ZNF28: variants seen among roughly 807,000 people sequenced by gnomAD.
ZNF28 encodes zinc finger protein KOX24.
A neutral mutation model predicts 7.2 loss-of-function variants in ZNF28; 5 were observed. The observed-to-expected ratio is 0.70, with a 90% CI of 0.36 to 1.46. The LOEUF is 1.46. Among genes scored for constraint, ZNF28 ranks in the 40% most tolerant of loss-of-function variants. The pLI is 0.03. For missense variants in ZNF28, 879 were observed against 866.6 expected, an observed-to-expected ratio of 1.01 and a Z score of -0.18; for synonymous variants, 288 against 292.4, an observed-to-expected ratio of 0.99 and a Z score of 0.15.
rs1369045786 is a variant in ZNF28 at position 52,802,781 on chromosome 19, G to T, written c.143-1079C>A. 1.3e-4 allele frequency among the ~76,000 whole-genome samples: 16 copies of T among 120,860 alleles called. 1 individual carries two copies. Among genetic ancestry groups the T allele is most frequent in the Admixed American group, 3.5e-4 (4 of 11,410 alleles). 79.3% of individuals were successfully genotyped at this position (120,860 alleles called of 152,430 possible). A position where few individuals can be genotyped will look rare whatever the true frequency, so the allele number is the denominator to read the frequency against. The stretch of plus-strand genomic sequence containing the variant: ...TGTGACTTTTTTTTTTTTTTTTTGC[G>T]ACGAAATCTTGCTCTGTCGCCCAGG... On this transcript the variant is annotated intron_variant, in intron 3 of 3. Coordinates refer to ENST00000457749, the MANE Select transcript of ZNF28 (RefSeq NM_006969.5).
chr19:52,807,886 A>G (rs554427055), intron 3 of ZNF28, 121 bp downstream of exon 3: 1 of 1,478,822 alleles, frequency 6.8e-7, no homozygotes, highest in Non-Finnish European at 9.2e-7. Flanking sequence ...TACATCATGA[A>G]GCTTTTCATT....
rs1228117349 is a variant in ZNF28 at position 52,798,413 on chromosome 19, C to T, written c.*1275G>A. On this transcript the variant is annotated 3_prime_UTR_variant, in exon 4 of 4. Coordinates refer to ENST00000457749, the MANE Select transcript of ZNF28 (RefSeq NM_006969.5). The stretch of plus-strand genomic sequence containing the variant: ...TGTAATGTCAATTAATGCTTGATGG[C>T]TTGCTATACTAATGGCATTTGAAAC... The T allele has an allele frequency of 1.2e-5, 5 of 401,044 alleles. No homozygotes were observed. Among genetic ancestry groups the T allele is most frequent in the African/African-American group, 4.2e-5 (2 of 47,410 alleles). 24.8% of individuals were successfully genotyped at this position (401,044 alleles called of 1,614,324 possible).
intron 2 of ZNF28, among the ~76,000 whole-genome samples, chr19:52,811,617 G>A (rs979936938): frequency 2.7e-4 from 39 of 145,912 alleles, no homozygotes; most frequent in Non-Finnish European, 1.5e-4. Context: ...GTCTCTGCCC[G>A]GCCGCCCCGT....
In ZNF28 at chr19:52,800,547, T is replaced by C; in HGVS notation, c.1298A>G (p.His433Arg). 1 of 1,613,520 alleles carries C rather than the reference T, an allele frequency of 6.2e-7. No individual in the cohort carries two copies. Among genetic ancestry groups the C allele is most frequent in the African/African-American group, 1.3e-5 (1 of 74,884 alleles). The change falls in exon 4 of 4, where the codon CAC (histidine) becomes CGC (arginine). Residue 433 changes from histidine to arginine, a missense_variant. His to Arg is a conservative substitution (Grantham distance 29). Around this residue, in one of 2 missense-constraint regions of ZNF28, gnomAD observed 864 missense variants for 830.2 expected, o/e 1.04. Coordinates refer to ENST00000457749, the MANE Select transcript of ZNF28 (RefSeq NM_006969.5). ...ACACTTGTAAGGCTTCTCTCCAGTGTGAATTATACTATGTTTTGCCAGGTA... is the reference window on the plus strand; with the variant it reads ...ACACTTGTAAGGCTTCTCTCCAGTGCGAATTATACTATGTTTTGCCAGGTA... Reference protein sequence around the residue: ...NSYLAKHSIIHTGEKPYKCNE... With the variant: ...NSYLAKHSIIRTGEKPYKCNE...
chr19:52,821,280 T>C (rs2063194767), intron 1 of ZNF28, among the ~76,000 whole-genome samples: 1 of 151,942 alleles, frequency 6.6e-6, no homozygotes, highest in African/African-American at 2.4e-5. Flanking sequence ...GGAATACACC[T>C]CTAGGGTGAG....
At chr19:52,817,804 A>G in intron 2 of ZNF28, 140 bp downstream of exon 2, 1 of 1,542,424 alleles carries the variant, frequency 6.5e-7, no homozygotes. Flanking sequence ...GCGAGATGAG[A>G]TGAACTGAAG....
At chr19:52,808,175 T>C (rs774403691) in intron 2 of ZNF28, 42 bp from the exon 3 acceptor site, 4 of 1,605,794 alleles carry the variant, frequency 2.5e-6, no homozygotes, top group South Asian at 2.2e-5. Flanking sequence ...TATGGTGGAG[T>C]TCTTATCTTT....
intron 2 of ZNF28, among the ~76,000 whole-genome samples, chr19:52,810,952 C>T (rs1364607242): frequency 7.6e-6 from 1 of 131,106 alleles, no homozygotes; most frequent in African/African-American, 2.8e-5. Flanking sequence ...CAAAGCTGGA[C>T]GGTACTGCTG....
chr19:52,799,482 GT>G lies in ZNF28; in HGVS notation c.*205del. ...AATTCTATGATGACGTGCAAGGGTT[GT>G]TTTTTGATTAAAAACCTTGCCACAT... On this transcript the variant is annotated 3_prime_UTR_variant, in exon 4 of 4. Transcript: ENST00000457749. The G allele has an allele frequency of 2.1e-6, 2 of 966,658 alleles. No homozygotes were observed. Among genetic ancestry groups the G allele is most frequent in the Admixed American group, 4.1e-5 (2 of 48,254 alleles). 59.9% of individuals were successfully genotyped at this position (966,658 alleles called of 1,614,324 possible). A position where few individuals can be genotyped will look rare whatever the true frequency, so the allele number is the denominator to read the frequency against.
chr19:52,800,835 G>A lies in ZNF28; in HGVS notation c.1010C>T (p.Thr337Ile), dbSNP rs957761476. Residue 337 changes from threonine to isoleucine, a missense_variant, in exon 4 of 4, where the codon ACA becomes ATA. Physicochemically the swap from Thr to Ile is moderately conservative, Grantham distance 89. Transcript: ENST00000457749. ...YKCKVCDKAF[T>I]CNSYLAKHTI... ...ATGTTTTGCTAGGTATGAATTACATGTGAAAGCTTTGTCACAAACCTTACA... is the reference window on the plus strand; with the variant it reads ...ATGTTTTGCTAGGTATGAATTACATATGAAAGCTTTGTCACAAACCTTACA... 9 of 1,613,780 alleles carry A rather than the reference G, an allele frequency of 5.6e-6. No individual in the cohort carries two copies. Among genetic ancestry groups the A allele is most frequent in the Non-Finnish European group, 7.6e-6 (9 of 1,179,962 alleles).
At position 52,800,138 on chromosome 19, in the gene ZNF28, A is replaced by G. The variant is rs2062844021; in HGVS notation, c.1707T>C (p.His569=). 2 of 1,613,950 alleles carry G rather than the reference A, an allele frequency of 1.2e-6. No homozygotes were observed. Among genetic ancestry groups the G allele is most frequent in the South Asian group, 1.1e-5 (1 of 91,066 alleles). Residue 569 remains histidine, a synonymous_variant, in exon 4 of 4, where the codon CAT becomes CAC. Coordinates refer to ENST00000457749, the MANE Select transcript of ZNF28 (RefSeq NM_006969.5). The part of the protein sequence containing the change: ...VFSRKSHMER[H]RRIHTGEKPY... ...GTTTCTCTCCAGTATGAATCCTCCT[A>G]TGTCTTTCCATGTGTGATTTGCGAC... is the stretch of plus-strand genomic sequence containing the variant.
chr19:52,813,599 C>T (rs2063084194), intron 2 of ZNF28, among the ~76,000 whole-genome samples: 1 of 145,796 alleles, frequency 6.9e-6, no homozygotes, highest in African/African-American at 2.7e-5. Context: ...TGCTCCTGTC[C>T]CTCCAGGTCT....
intron 2 of ZNF28, chr19:52,809,822 A>AGGCAGCGGC (rs202197218): frequency 0.49 from 259,630 of 524,772 alleles, 69,272 homozygotes; most frequent in Non-Finnish European, 0.6. Flanking sequence ...TGAGCGGCGA[A>AGGCAGCGGC]GGCGGCGGCG....
At chr19:52,806,399 A>T in intron 3 of ZNF28, among the ~76,000 whole-genome samples, 1 of 152,090 alleles carries the variant, frequency 6.6e-6, no homozygotes, top group East Asian at 1.9e-4. Context: ...TCAACATGTT[A>T]ACCAGGCTAG....
intron 2 of ZNF28, among the ~76,000 whole-genome samples, chr19:52,813,775 C>T (rs1482108193): frequency 1.4e-5 from 2 of 146,686 alleles, no homozygotes; most frequent in African/African-American, 2.6e-5. Context: ...TGTAAATTCC[C>T]CTTCCCCATG....
Position 52,800,506 on chromosome 19 carries a change from C to T in ZNF28, c.1339G>A (p.Val447Ile), listed in dbSNP as rs1310620819. The T allele has an allele frequency of 1.2e-6, 2 of 1,613,470 alleles. No individual in the cohort carries two copies. Among genetic ancestry groups the T allele is most frequent in the Non-Finnish European group, 1.7e-6 (2 of 1,179,816 alleles). ...GCAAGAGTTGATTGTTGATTAAAAA[C>T]CTTGCCACATTCATTACACTTGTAA... The part of the protein sequence containing the change: ...KPYKCNECGK[V>I]FNQQSTLARH... Residue 447 changes from valine to isoleucine, a missense_variant, in exon 4 of 4, where the codon GTT becomes ATT. Coordinates refer to ENST00000457749, the MANE Select transcript of ZNF28 (RefSeq NM_006969.5).
intron 3 of ZNF28, among the ~76,000 whole-genome samples, chr19:52,802,719 T>C (rs1395738143): frequency 6.6e-6 from 1 of 151,616 alleles, no homozygotes; most frequent in Non-Finnish European, 1.5e-5. Flanking sequence ...CAAATAACTG[T>C]TACAAAATTA....
intron 3 of ZNF28, 192 bp downstream of exon 3, chr19:52,807,815 A>G (rs1169955563): frequency 3.0e-6 from 3 of 989,102 alleles, no homozygotes; most frequent in African/African-American, 3.3e-5. Flanking sequence ...TGGAAGCTCC[A>G]CTGAGCTATC....
chr19:52,801,659 C>T lies in ZNF28; in HGVS notation c.186G>A (p.Gly62=), dbSNP rs759704673. ...KCMMKTFFST[G]QGNTEAFHTG... is the part of the protein sequence containing the mutation. ...TGTGGAACGCTTCTGTATTGCCTTGCCCTGTTGAGAAGAATGTCTTCATCA... is the reference window on the plus strand; with the variant it reads ...TGTGGAACGCTTCTGTATTGCCTTGTCCTGTTGAGAAGAATGTCTTCATCA... The change falls in exon 4 of 4, where the codon GGG becomes GGA. Residue 62 remains glycine (G), a synonymous_variant. Transcript: ENST00000457749. The T allele has an allele frequency of 3.7e-6, 6 of 1,612,332 alleles. No homozygotes were observed. The South Asian group carries it at 5.5e-5, about 15-fold the overall frequency.
Sources: gnomAD v4.1 joint callset for allele counts (sites outside exome capture counted in the v4.1 genomes callset) on GRCh38, gnomAD v4.1.1 for gene constraint, gnomAD v4.1.1 regional missense constraint, MANE v1.5 for transcripts, NCBI Gene and HGNC (gene_info 2026-07-23, HGNC 2026-07-21) for gene names.